NEK7: variants seen among roughly 807,000 people sequenced by gnomAD.
NEK7 encodes serine/threonine-protein kinase Nek7.
In NEK7, 18 loss-of-function variants were observed where a neutral mutation model predicts 44.6. That is an observed-to-expected ratio of 0.40 (90% CI 0.28 to 0.60). The LOEUF (loss-of-function observed/expected upper bound fraction) is 0.60. NEK7 is among the 20% of genes least tolerant of loss of function. NEK7 has a pLI of 0.38. For missense variants in NEK7, 256 were observed against 366.5 expected, an observed-to-expected ratio of 0.70 and a Z score of 2.46; for synonymous variants, 130 against 121.1, an observed-to-expected ratio of 1.07 and a Z score of -0.48.
chr1:198,286,890 T>C (rs560621134), intron 7 of NEK7, among the ~76,000 whole-genome samples: 2 of 152,270 alleles, frequency 1.3e-5, no homozygotes, highest in Admixed American at 1.3e-4. Flanking sequence ...AAGTTAGCAG[T>C]GGTGGAGAGT....
At chr1:198,229,669 T>C (rs917370517) in intron 1 of NEK7, among the ~76,000 whole-genome samples, 4 of 152,212 alleles carry the variant, frequency 2.6e-5, no homozygotes, top group Non-Finnish European at 2.9e-5. Flanking sequence ...AGAAGTCTTA[T>C]TGTGATTGTT....
chr1:198,242,194 C>T (rs1259623488), intron 2 of NEK7, among the ~76,000 whole-genome samples: 1 of 152,048 alleles, frequency 6.6e-6, no homozygotes, highest in Admixed American at 6.6e-5. Context: ...CACCTACTAC[C>T]TCCTGTCCAG....
chr1:198,289,723 C>A (rs530087546), intron 7 of NEK7, among the ~76,000 whole-genome samples: 1 of 152,062 alleles, frequency 6.6e-6, no homozygotes, highest in South Asian at 2.1e-4. Context: ...CTGTATATAA[C>A]CTGCTCTGAT....
intron 1 of NEK7, among the ~76,000 whole-genome samples, chr1:198,194,587 A>G (rs1472296720): frequency 6.6e-6 from 1 of 152,044 alleles, no homozygotes; most frequent in Admixed American, 6.6e-5. Context: ...CTGTTCCTGA[A>G]TCAGTTTTCT....
chr1:198,268,241 T>C (rs1653717962), intron 5 of NEK7, among the ~76,000 whole-genome samples: 2 of 152,110 alleles, frequency 1.3e-5, no homozygotes, highest in Non-Finnish European at 2.9e-5. Context: ...ATTTTTTATC[T>C]TTAGCATGGA....
intron 7 of NEK7, among the ~76,000 whole-genome samples, chr1:198,288,036 G>T (rs1205403754): frequency 1.3e-5 from 2 of 152,168 alleles, no homozygotes; most frequent in Non-Finnish European, 2.9e-5. Flanking sequence ...GAAAATTAGT[G>T]TTCTTGAACC....
chr1:198,198,802 C>T (rs1004940737), intron 1 of NEK7, among the ~76,000 whole-genome samples: 6 of 152,226 alleles, frequency 3.9e-5, no homozygotes, highest in East Asian at 1.9e-4. Flanking sequence ...CACAATTCGT[C>T]GGTAGCCCCC....
At chr1:198,207,552 T>C (rs73076982) in intron 1 of NEK7, among the ~76,000 whole-genome samples, 4,186 of 152,276 alleles carry the variant, frequency 0.027, 182 homozygotes, top group African/African-American at 0.095. Flanking sequence ...CTGTGTAACC[T>C]TGATGAATCT....
intron 2 of NEK7, among the ~76,000 whole-genome samples, chr1:198,234,153 T>C (rs901859429): frequency 7.2e-5 from 11 of 152,162 alleles, no homozygotes; most frequent in African/African-American, 2.7e-4. Context: ...AATAAGAATA[T>C]GTAATTGAAA....
Position 198,182,465 on chromosome 1 carries a change from G to A in NEK7, c.-29+25189G>A, listed in dbSNP as rs114079958. 6.9e-3 allele frequency among the ~76,000 whole-genome samples: 1,045 copies of A among 152,176 alleles called. 10 individuals are homozygous for A. Among genetic ancestry groups the A allele is most frequent in the African/African-American group, 0.02 (811 of 41,530 alleles). ...TGAGAGAGAGAGATAGAGCTTTCCT[G>A]TTACAGCCCAAAACCATGATTATGG... is the stretch of plus-strand genomic sequence containing the variant. On this transcript the variant is annotated intron_variant, in intron 1 of 9. Coordinates refer to ENST00000367385, the MANE Select transcript of NEK7 (RefSeq NM_133494.3).
chr1:198,303,864 T>C (rs778252701), intron 9 of NEK7, among the ~76,000 whole-genome samples: 16 of 152,160 alleles, frequency 1.1e-4, no homozygotes, highest in Non-Finnish European at 1.8e-4. Flanking sequence ...GAGAGAGATA[T>C]ATAATAAAAT....
At chr1:198,210,730 A>G (rs1468136233) in intron 1 of NEK7, among the ~76,000 whole-genome samples, 1 of 143,730 alleles carries the variant, frequency 7.0e-6, no homozygotes, top group African/African-American at 2.6e-5. Context: ...TTGTCCCTTC[A>G]ATTTGTATTT....
intron 1 of NEK7, among the ~76,000 whole-genome samples, chr1:198,207,704 A>G (rs1665638820): frequency 6.6e-6 from 1 of 152,168 alleles, no homozygotes; most frequent in Non-Finnish European, 1.5e-5. Flanking sequence ...GAAAGGACAC[A>G]GGGGACTTGT....
intron 1 of NEK7, among the ~76,000 whole-genome samples, chr1:198,162,466 C>T (rs1664139074): frequency 6.6e-6 from 1 of 152,178 alleles, no homozygotes; most frequent in Non-Finnish European, 1.5e-5. Context: ...TTGAGTTGCT[C>T]ATTTTATTCA....
chr1:198,225,456 G>A (rs1229579187), intron 1 of NEK7, among the ~76,000 whole-genome samples: 1 of 152,126 alleles, frequency 6.6e-6, no homozygotes, highest in Middle Eastern at 3.2e-3. Context: ...TATTGGTGCA[G>A]TAGCCTGTTA....
rs531007342 is a variant in NEK7 at position 198,291,076 on chromosome 1, T to A, written c.590-1869T>A. Among the ~76,000 whole-genome samples the A allele has an allele frequency of 9.2e-5, 14 of 152,310 alleles. No individual in the cohort carries two copies. The South Asian group carries it at 2.5e-3, about 27-fold the overall frequency. On this transcript the variant is annotated intron_variant, in intron 7 of 9. Coordinates refer to ENST00000367385, the MANE Select transcript of NEK7 (RefSeq NM_133494.3). ...TCTGTAAAATGCTAGCATTTGTTCT[T>A]CTTTTTCCTTATCATCAATCTTTCA... is the stretch of plus-strand genomic sequence containing the variant.
chr1:198,233,480 G>A (rs1043500911), intron 2 of NEK7, among the ~76,000 whole-genome samples: 1 of 152,078 alleles, frequency 6.6e-6, no homozygotes, highest in Non-Finnish European at 1.5e-5. Flanking sequence ...GGTGTTTGAG[G>A]CATTCTACAA....
At chr1:198,268,992 C>T (rs764440102) in intron 5 of NEK7, among the ~76,000 whole-genome samples, 1 of 152,084 alleles carries the variant, frequency 6.6e-6, no homozygotes, top group Non-Finnish European at 1.5e-5. Context: ...TCCTTTGACT[C>T]GTAGAGTACT....
rs529042760 is a variant in NEK7 at position 198,193,026 on chromosome 1, G to T, written c.-29+35750G>T. ...CAAAAAATCAATGAATCCAGGAGCGGTTTTTTTTTTTTTAAACTAATAAAA... is the reference window on the plus strand; with the variant it reads ...CAAAAAATCAATGAATCCAGGAGCGTTTTTTTTTTTTTTAAACTAATAAAA... On this transcript the variant is annotated intron_variant, in intron 1 of 9. Transcript: ENST00000367385. 2.4e-3 allele frequency among the ~76,000 whole-genome samples: 347 copies of T among 143,940 alleles called. 2 individuals are homozygous for T. The highest frequency in any genetic ancestry group is 7.2e-3 in the African/African-American group (285 of 39,618). 94.4% of individuals were successfully genotyped at this position (143,940 alleles called of 152,430 possible). A position where few individuals can be genotyped will look rare whatever the true frequency, so the allele number is the denominator to read the frequency against.
Sources: gnomAD v4.1 joint callset for allele counts (sites outside exome capture counted in the v4.1 genomes callset) on GRCh38, gnomAD v4.1.1 for gene constraint, MANE v1.5 for transcripts, NCBI Gene and HGNC (gene_info 2026-07-23, HGNC 2026-07-21) for gene names.